CNTNAP5: variants seen among roughly 807,000 people sequenced by gnomAD.
CNTNAP5 encodes contactin associated protein family member 5, also known as contactin-associated protein-like 5.
In CNTNAP5, 72 loss-of-function variants were observed where a neutral mutation model predicts 150.2. That is an observed-to-expected ratio of 0.48 (90% CI 0.40 to 0.58). The LOEUF (loss-of-function observed/expected upper bound fraction) is 0.58. Ranked by LOEUF, CNTNAP5 falls within the 20% of genes least tolerant of loss-of-function variation. CNTNAP5 has a pLI of 0.00. For missense variants in CNTNAP5, 1,636 were observed against 1,626.2 expected (o/e 1.01, Z -0.10); for synonymous variants, 672 against 619.8 (o/e 1.08, Z -1.25).
rs570971117 is a variant in CNTNAP5, at chr2:124,539,159, C to T, written c.1649+11703C>T. On this transcript the variant is annotated intron_variant, in intron 10 of 23. Transcript: ENST00000682447. ...CAGTTGGGAAAAAGGCAGGTCTGACCTGCAGTAAAAGGTTCTCACCTGTGT... is the reference window on the plus strand; with the variant it reads ...CAGTTGGGAAAAAGGCAGGTCTGACTTGCAGTAAAAGGTTCTCACCTGTGT... 4.6e-5 allele frequency among the ~76,000 whole-genome samples: 7 copies of T among 152,264 alleles called. No homozygotes were observed. The East Asian group carries it at 1.4e-3, about 29-fold the overall frequency.
chr2:124,178,616 A>G (rs1309668766), intron 1 of CNTNAP5, among the ~76,000 whole-genome samples: 1 of 152,222 alleles, frequency 6.6e-6, no homozygotes, highest in African/African-American at 2.4e-5. Flanking sequence ...CTTGTGTTCC[A>G]TTAAGACTAC....
chr2:124,728,511 C>T lies in CNTNAP5; in HGVS notation c.2078-18718C>T, dbSNP rs145522665. Among the ~76,000 whole-genome samples, 4 of 151,988 alleles carry T rather than the reference C, an allele frequency of 2.6e-5. No homozygotes were observed. The East Asian group carries it at 7.7e-4, about 29-fold the overall frequency. On this transcript the variant is annotated intron_variant, in intron 13 of 23. Coordinates refer to ENST00000682447, the MANE Select transcript of CNTNAP5 (RefSeq NM_001367498.1). The stretch of plus-strand genomic sequence containing the variant: ...TTGATCATGTTCTCATTGAAAACCC[C>T]CTGAAATCAAAGAAATGAACAGACA...
chr2:124,445,081 CTT>C (rs1006938474), intron 5 of CNTNAP5, among the ~76,000 whole-genome samples: 112 of 131,764 alleles, frequency 8.5e-4, no homozygotes, highest in Admixed American at 7.8e-4. Context: ...ACACAAATAT[CTT>C]TTTTTTTTTT....
At chr2:124,800,274 A>G (rs1681939920) in intron 19 of CNTNAP5, among the ~76,000 whole-genome samples, 2 of 152,226 alleles carry the variant, frequency 1.3e-5, no homozygotes, top group South Asian at 4.1e-4. Context: ...ATAGTTCCAT[A>G]GGCACAATTG....
intron 3 of CNTNAP5, among the ~76,000 whole-genome samples, chr2:124,290,874 C>CTTTGTTTATTTA (rs369928445): frequency 1.3e-5 from 2 of 148,542 alleles, no homozygotes; most frequent in East Asian, 4.0e-4. Context: ...ATCTTCCTTC[C>CTTTGTTTATTTA]TTTATTTATT....
rs966407802 is a variant in CNTNAP5 at position 124,375,840 on chromosome 2, C to G, written c.382-41603C>G. Among the ~76,000 whole-genome samples the G allele has an allele frequency of 2.6e-5, 4 of 151,992 alleles. No homozygotes were observed. In the East Asian group the frequency reaches 7.8e-4, roughly 29 times the overall value. On this transcript the variant is annotated intron_variant, in intron 3 of 23. Transcript: ENST00000682447. ...ATTAATATGTTAATGGATATCTAGG[C>G]AGACAAAATGAAGAAATATACTACA... is the stretch of plus-strand genomic sequence containing the variant.
At chr2:124,694,614 A>G (rs1424189029) in intron 13 of CNTNAP5, among the ~76,000 whole-genome samples, 1 of 152,182 alleles carries the variant, frequency 6.6e-6, no homozygotes, top group Admixed American at 6.6e-5. Flanking sequence ...TTTAATAACA[A>G]GGTCTCCAAA....
At chr2:124,776,008 T>C (rs1355727146) in intron 17 of CNTNAP5, among the ~76,000 whole-genome samples, 3 of 152,134 alleles carry the variant, frequency 2.0e-5, no homozygotes, top group Non-Finnish European at 4.4e-5. Context: ...AGTGTACTAT[T>C]GTCTTTATCT....
At chr2:124,063,195 A>T (rs1324878881) in intron 1 of CNTNAP5, among the ~76,000 whole-genome samples, 1 of 152,120 alleles carries the variant, frequency 6.6e-6, no homozygotes, top group African/African-American at 2.4e-5. Flanking sequence ...GCTCATAAAT[A>T]CTAATTTATG....
At chr2:124,499,014 G>A (rs541535937) in intron 7 of CNTNAP5, among the ~76,000 whole-genome samples, 31 of 152,158 alleles carry the variant, frequency 2.0e-4, no homozygotes, top group Non-Finnish European at 3.7e-4. Context: ...AAAAGCATCA[G>A]ATCTGGGAAA....
rs1337129323 is a variant in CNTNAP5, at chr2:124,919,794, GCTTTAGAA to G, written c.*5509_*5516del. On this transcript the variant is annotated 3_prime_UTR_variant, in exon 24 of 24. Transcript: ENST00000682447. ...TTTTTTTTCAGGATTTTCTCAGAGT[GCTTTAGAA>G]CTATTATTATAATTATCTAACCTGC... Among the ~76,000 whole-genome samples the G allele has an allele frequency of 6.6e-6, 1 of 151,288 alleles. No homozygotes were observed. The highest frequency in any genetic ancestry group is 2.4e-5 in the African/African-American group (1 of 41,138).
At chr2:124,082,195 A>G (rs1001023512) in intron 1 of CNTNAP5, among the ~76,000 whole-genome samples, 6 of 151,946 alleles carry the variant, frequency 3.9e-5, no homozygotes, top group Non-Finnish European at 1.5e-5. Flanking sequence ...TAAAAATACA[A>G]AAAATTAGCC....
At chr2:124,033,180 A>T (rs553154585) in intron 1 of CNTNAP5, among the ~76,000 whole-genome samples, 1 of 152,236 alleles carries the variant, frequency 6.6e-6, no homozygotes, top group Non-Finnish European at 1.5e-5. Context: ...ATCTGTTCAC[A>T]GGATCAGCTG....
chr2:124,701,784 C>T lies in CNTNAP5; in HGVS notation c.2078-45445C>T, dbSNP rs537319284. 8.5e-5 allele frequency among the ~76,000 whole-genome samples: 13 copies of T among 152,234 alleles called. No individual in the cohort carries two copies. The South Asian group carries it at 2.7e-3, about 32-fold the overall frequency. On this transcript the variant is annotated intron_variant, in intron 13 of 23. Coordinates refer to ENST00000682447, the MANE Select transcript of CNTNAP5 (RefSeq NM_001367498.1). ...TGATGAATGATGCTGAGCACCTTTACATATGCCTGCTGGCCTTTTTATGTC... is the reference window on the plus strand; with the variant it reads ...TGATGAATGATGCTGAGCACCTTTATATATGCCTGCTGGCCTTTTTATGTC...
At chr2:124,278,592 A>C (rs1356518469) in intron 3 of CNTNAP5, among the ~76,000 whole-genome samples, 3 of 152,164 alleles carry the variant, frequency 2.0e-5, no homozygotes, top group Non-Finnish European at 4.4e-5. Context: ...GCAGTACTTC[A>C]ACTGAATGAT....
chr2:124,109,851 T>C (rs776392067), intron 1 of CNTNAP5, among the ~76,000 whole-genome samples: 30 of 152,366 alleles, frequency 2.0e-4, no homozygotes, highest in Middle Eastern at 6.8e-3. Context: ...CACTTTATTC[T>C]GGTTTTTGAA....
intron 11 of CNTNAP5, among the ~76,000 whole-genome samples, chr2:124,589,725 C>T (rs1696637159): frequency 1.3e-5 from 2 of 152,192 alleles, no homozygotes; most frequent in Admixed American, 6.5e-5. Flanking sequence ...CTATATGGAG[C>T]TTACTCAGAT....
At chr2:124,108,126 A>G (rs973232994) in intron 1 of CNTNAP5, among the ~76,000 whole-genome samples, 2 of 152,200 alleles carry the variant, frequency 1.3e-5, no homozygotes, top group African/African-American at 4.8e-5. Flanking sequence ...ACCTGTGAAG[A>G]TTAGCTGCTG....
At chr2:124,857,884 A>G (rs1246527998) in intron 19 of CNTNAP5, among the ~76,000 whole-genome samples, 1 of 152,100 alleles carries the variant, frequency 6.6e-6, no homozygotes, top group African/African-American at 2.4e-5. Flanking sequence ...AACACACTCT[A>G]GGCGAGACAG....
Sources: allele counts gnomAD v4.1 joint callset (sites outside exome capture counted in the v4.1 genomes callset), GRCh38; gene constraint gnomAD v4.1.1; transcripts MANE v1.5; gene names NCBI Gene and HGNC (gene_info 2026-07-23, HGNC 2026-07-21).